Variants in DDB1 observed in about 807,000 individuals in gnomAD.
DDB1 encodes DNA damage-binding protein 1.
DDB1 carries 18 observed loss-of-function variants against 133.1 expected under a neutral mutation model. That is an observed-to-expected ratio of 0.14 (90% CI 0.09 to 0.20). DDB1 has a LOEUF of 0.20. Among genes scored for constraint, DDB1 ranks in the 10% least tolerant of loss-of-function variants. The probability of loss-of-function intolerance (pLI) is 1.00; values close to 1 mark genes in which losing one functional copy is unlikely to be tolerated. For synonymous variants in DDB1, 580 were observed against 550.5 expected, an observed-to-expected ratio of 1.05 and a Z score of -0.75; for missense variants, 828 against 1,459.2, an observed-to-expected ratio of 0.57 and a Z score of 7.05.
In DDB1 at chr11:61,327,753, G is replaced by A. The variant is rs28720270; in HGVS notation, c.550-860C>T. Among the ~76,000 whole-genome samples, 407 of 152,280 alleles carry A rather than the reference G, an allele frequency of 2.7e-3. 1 individual carries two copies. Among genetic ancestry groups the A allele is most frequent in the African/African-American group, 9.0e-3 (373 of 41,554 alleles). On this transcript the variant is annotated intron_variant, in intron 4 of 26. Transcript: ENST00000301764. ...CACCTTTAAGATGCTAAAAAGCAGG[G>A]ACCAGAAGAAAGCTACACTCAGCCA...
At chr11:61,309,404 T>C (rs567823852) in intron 20 of DDB1, among the ~76,000 whole-genome samples, 55 of 152,206 alleles carry the variant, frequency 3.6e-4, no homozygotes, top group African/African-American at 1.2e-3. Flanking sequence ...CTTGGGTGGG[T>C]GTAACGAGAA....
intron 4 of DDB1, among the ~76,000 whole-genome samples, chr11:61,328,575 T>G (rs1856308131): frequency 6.6e-6 from 1 of 152,158 alleles, no homozygotes; most frequent in South Asian, 2.1e-4. Context: ...AAAATAGAAG[T>G]TAAGAGCCAG....
rs776244446 is a variant in DDB1, at chr11:61,325,637, G to A, written c.736C>T (p.Leu246=). The change falls in exon 6 of 27, where the codon CTG becomes TTG. Residue 246 remains leucine, a synonymous_variant. Coordinates refer to ENST00000301764, the MANE Select transcript of DDB1 (RefSeq NM_001923.5). The part of the protein sequence containing the change: ...SITYHNGDKY[L]AIAPPIIKQS... The stretch of plus-strand genomic sequence containing the variant: ...TTGATGATAGGAGGGGCAATAGCCA[G>A]GTATTTGTCACCATTGTGATAGGTG... 1.1e-5 allele frequency: 17 copies of A among 1,613,830 alleles called. No individual in the cohort carries two copies. The Middle Eastern group carries it at 4.9e-4, about 47-fold the overall frequency.
chr11:61,309,665 A>G, intron 20 of DDB1, 131 bp downstream of exon 20: 1 of 894,020 alleles, frequency 1.1e-6, no homozygotes, highest in Non-Finnish European at 1.7e-6. Flanking sequence ...AATAAAGAAG[A>G]GAATAGCTCT....
At position 61,325,851 on chromosome 11, in the gene DDB1, T is replaced by C. The variant is rs182253836; in HGVS notation, c.665-143A>G. 6.3e-5 allele frequency: 45 copies of C among 718,100 alleles called. No homozygotes were observed. The African/African-American group carries it at 6.8e-4, about 11-fold the overall frequency. The allele number at this position is 718,100 out of a possible 1,614,324, so 44.5% of individuals were successfully genotyped here. On this transcript the variant is annotated intron_variant, in intron 5 of 26. Coordinates refer to ENST00000301764, the MANE Select transcript of DDB1 (RefSeq NM_001923.5). Reference sequence around the variant, plus strand: ...AAAGGACATCAAAGCCCAGGGAACATGATAGCCTTTACGAGACTCTTAGAA... The same window carrying C: ...AAAGGACATCAAAGCCCAGGGAACACGATAGCCTTTACGAGACTCTTAGAA...
At chr11:61,312,969 T>C (rs1051259318) in intron 16 of DDB1, among the ~76,000 whole-genome samples, 2 of 152,100 alleles carry the variant, frequency 1.3e-5, no homozygotes, top group African/African-American at 2.4e-5. Context: ...CACACCACCA[T>C]ACCTGGCTAA....
In DDB1 at chr11:61,299,855, A is replaced by G; in HGVS notation, c.*281T>C. 2.0e-6 allele frequency: 1 copy of G among 507,178 alleles called. No individual in the cohort carries two copies. Among genetic ancestry groups the G allele is most frequent in the Non-Finnish European group, 3.6e-6 (1 of 277,584 alleles). 31.4% of individuals were successfully genotyped at this position (507,178 alleles called of 1,614,324 possible). On this transcript the variant is annotated 3_prime_UTR_variant, in exon 27 of 27. Transcript: ENST00000301764. Reference sequence around the variant, plus strand: ...AAAGAACTGCAAAATCCTTCCCCGGAAGGAGGACAACTGGCAACACCAATC... The same window carrying G: ...AAAGAACTGCAAAATCCTTCCCCGGGAGGAGGACAACTGGCAACACCAATC...
At chr11:61,307,314 C>A (rs975376566) in intron 21 of DDB1, among the ~76,000 whole-genome samples, 1 of 152,264 alleles carries the variant, frequency 6.6e-6, no homozygotes, top group Non-Finnish European at 1.5e-5. Context: ...CGACTGCAAT[C>A]AGGTTTCTAG....
intron 26 of DDB1, 49 bp from the exon 27 acceptor site, chr11:61,300,268 C>T (rs893812499): frequency 1.0e-5 from 16 of 1,575,550 alleles, no homozygotes; most frequent in Admixed American, 8.6e-5. Context: ...GGGTGCTCTC[C>T]CACAGGTGGG....
At chr11:61,305,438 C>A (rs1326649396) in intron 21 of DDB1, among the ~76,000 whole-genome samples, 1 of 152,282 alleles carries the variant, frequency 6.6e-6, no homozygotes, top group Non-Finnish European at 1.5e-5. Flanking sequence ...ACCAGGGAGT[C>A]GGAGGTTGCA....
At chr11:61,309,119 A>G (rs771263020) in intron 20 of DDB1, 42 bp from the exon 21 acceptor site, 8 of 1,575,722 alleles carry the variant, frequency 5.1e-6, no homozygotes, top group Non-Finnish European at 5.2e-6. Flanking sequence ...ATGAGCCCAC[A>G]CTTTACCTCA....
chr11:61,329,907 C>A (rs1412203853), intron 3 of DDB1, 51 bp downstream of exon 3: 1 of 1,470,846 alleles, frequency 6.8e-7, no homozygotes, highest in Admixed American at 1.8e-5. Flanking sequence ...TTCCATGAAT[C>A]ATGACAGCCC....
At position 61,329,945 on chromosome 11, in the gene DDB1, G is replaced by A; in HGVS notation, c.327+13C>T. 5 of 1,603,586 alleles carry A rather than the reference G, an allele frequency of 3.1e-6. No homozygotes were observed. Among genetic ancestry groups the A allele is most frequent in the Non-Finnish European group, 3.4e-6 (4 of 1,171,870 alleles). On this transcript the variant is annotated intron_variant, in intron 3 of 26. Transcript: ENST00000301764. ...CTTAGAAAACTTTCATTGGCCTAAA[G>A]CAGCCACCTCACCTGGACATTGCCA...
intron 2 of DDB1, 25 bp from the exon 3 acceptor site, chr11:61,330,099 A>G (rs372724729): frequency 4.6e-5 from 72 of 1,579,680 alleles, no homozygotes; most frequent in Non-Finnish European, 6.0e-5. Flanking sequence ...TATGCTATCA[A>G]AAGAGGTTCT....
At chr11:61,311,753 A>G (rs759368261) in intron 18 of DDB1, 31 bp downstream of exon 18, 1 of 1,589,396 alleles carries the variant, frequency 6.3e-7, no homozygotes, top group Admixed American at 1.8e-5. Context: ...CCCCTGCTCT[A>G]AGGTCATCTT....
In DDB1 at chr11:61,323,970, AAGCT is replaced by A; in HGVS notation, c.921+5_921+8del. Reference sequence around the variant, plus strand: ...AACATTGTAGAGGAACAGGGAGAACAAGCTCTACCTCTCCAAGGAGTTCTACACG... The same window carrying A: ...AACATTGTAGAGGAACAGGGAGAACACTACCTCTCCAAGGAGTTCTACACG... On this transcript the variant is annotated splice_donor_5th_base_variant and intron_variant, in intron 7 of 26. Coordinates refer to ENST00000301764, the MANE Select transcript of DDB1 (RefSeq NM_001923.5). 1 of 1,613,874 alleles carries A rather than the reference AAGCT, an allele frequency of 6.2e-7. No individual in the cohort carries two copies. The highest frequency in any genetic ancestry group is 1.3e-5 in the African/African-American group (1 of 74,898).
chr11:61,304,089 A>T, intron 21 of DDB1, 54 bp from the exon 22 acceptor site: 24 of 1,589,038 alleles, frequency 1.5e-5, no homozygotes, highest in Non-Finnish European at 2.0e-5. Context: ...TCTCAGAATG[A>T]CTCCCCCCAA....
At chr11:61,304,143 G>T in intron 21 of DDB1, 108 bp from the exon 22 acceptor site, 1 of 1,257,884 alleles carries the variant, frequency 7.9e-7, no homozygotes, top group Non-Finnish European at 1.1e-6. Context: ...AAAGTGCAAT[G>T]CGGGACAGGA....
At chr11:61,309,218 C>T (rs530882183) in intron 20 of DDB1, 141 bp from the exon 21 acceptor site, 1 of 729,068 alleles carries the variant, frequency 1.4e-6, no homozygotes, top group Non-Finnish European at 2.3e-6. Flanking sequence ...TCAGTATCTA[C>T]TGGAGTTAAT....
Sources: allele counts gnomAD v4.1 joint callset (sites outside exome capture counted in the v4.1 genomes callset), GRCh38; gene constraint gnomAD v4.1.1; transcripts MANE v1.5; gene names NCBI Gene and HGNC (gene_info 2026-07-23, HGNC 2026-07-21).